The following ARSI variants were observed in gnomAD, a reference collection of about 807,000 sequenced individuals.
ARSI encodes arylsulfatase family member I, also known as arylsulfatase I.
Under a neutral mutation model 42.1 loss-of-function variants are expected in ARSI, and 37 were observed. The ratio of observed to expected loss-of-function variants is 0.88; its 90% CI spans 0.68 to 1.16. The LOEUF is 1.16. ARSI is among the 50% of genes most tolerant of loss of function. The pLI is 0.00. For synonymous variants in ARSI, 305 were observed against 320.3 expected (o/e 0.95, Z 0.51); for missense variants, 725 against 790.1 (o/e 0.92, Z 0.99).
rs1479466348 is a variant in ARSI, at chr5:150,302,006, C to A, written c.311+57G>T. 2.7e-6 allele frequency: 4 copies of A among 1,490,594 alleles called. No homozygotes were observed. Among genetic ancestry groups the A allele is most frequent in the Non-Finnish European group, 3.6e-6 (4 of 1,114,648 alleles). 92.3% of individuals were successfully genotyped at this position (1,490,594 alleles called of 1,614,324 possible). On this transcript the variant is annotated intron_variant, in intron 1 of 1. Transcript: ENST00000328668. This position sits in a 1 kb window ranked among gnomAD's most constrained non-coding sequence, Gnocchi z 6.1. ...GGTGGTACTGGCAGGAGAAATCTATCAACTGGGTTGATTTGGGGTTTAGAT... is the reference window on the plus strand; with the variant it reads ...GGTGGTACTGGCAGGAGAAATCTATAAACTGGGTTGATTTGGGGTTTAGAT...
Position 150,297,417 on chromosome 5 carries a change from G to A in ARSI, c.1507C>T (p.Arg503Cys), listed in dbSNP as rs748659666. 9 of 1,608,282 alleles carry A rather than the reference G, an allele frequency of 5.6e-6. No individual in the cohort carries two copies. The highest frequency in any genetic ancestry group is 1.7e-5 in the Admixed American group (1 of 59,342). Residue 503 changes from arginine (R) to cysteine (C), a missense_variant, in exon 2 of 2, where the codon CGC becomes TGC. Transcript: ENST00000328668. The surrounding 1 kb of genome is among the most constrained non-coding windows in gnomAD (Gnocchi z 7.0). ...AEYNRTAIPVRYPAENPRAHP... is the reference protein window; with the variant it reads ...AEYNRTAIPVCYPAENPRAHP... ...GCCCGGGGGTTCTCAGCTGGGTAGCGTACCGGGATGGCTGTGCGGTTATAT... is the reference window on the plus strand; with the variant it reads ...GCCCGGGGGTTCTCAGCTGGGTAGCATACCGGGATGGCTGTGCGGTTATAT...
chr5:150,297,380 A>C lies in ARSI; in HGVS notation c.1544T>G (p.Phe515Cys), dbSNP rs145878553. Residue 515 changes from phenylalanine (F) to cysteine (C), a missense_variant, in exon 2 of 2, where the codon TTT becomes TGT. Phe to Cys is a radical substitution (Grantham distance 205, BLOSUM62 -2). Coordinates refer to ENST00000328668, the MANE Select transcript of ARSI (RefSeq NM_001012301.4). This position sits in a 1 kb window ranked among gnomAD's most constrained non-coding sequence, Gnocchi z 7.0. The stretch of plus-strand genomic sequence containing the variant: ...CCAGGGCCCCCAAGCACCCCCATTA[A>C]AGTCAGGATGAGCCCGGGGGTTCTC... ...PAENPRAHPD[F>C]NGGAWGPWAS... 420 of 1,611,048 alleles carry C rather than the reference A, an allele frequency of 2.6e-4. No individual in the cohort carries two copies. The highest frequency in any genetic ancestry group is 3.4e-4 in the Non-Finnish European group (401 of 1,178,606).
chr5:150,302,086 C>T lies in ARSI; in HGVS notation c.288G>A (p.Ser96=), dbSNP rs1367596425. ...ACCTGCCAGTGAGGAGCTGGCTCCG[C>T]GAAGGCGTGCAGATGGGCTGGATGT... The part of the protein sequence containing the change: ...NYYIQPICTP[S]RSQLLTGRYQ... The change falls in exon 1 of 2, where the codon TCG becomes TCA. Residue 96 remains serine (S), a synonymous_variant. Coordinates refer to ENST00000328668, the MANE Select transcript of ARSI (RefSeq NM_001012301.4). This position sits in a 1 kb window ranked among gnomAD's most constrained non-coding sequence, Gnocchi z 6.1. 6.3e-7 allele frequency: 1 copy of T among 1,598,192 alleles called. No homozygotes were observed.
chr5:150,301,290 A>G (rs2150321695), intron 1 of ARSI, among the ~76,000 whole-genome samples: 1 of 152,310 alleles, frequency 6.6e-6, no homozygotes, highest in East Asian at 1.9e-4. Flanking sequence ...TTTTCTCCTA[A>G]GTGGCCAGAG....
intron 1 of ARSI, among the ~76,000 whole-genome samples, chr5:150,300,775 C>T (rs760846055): frequency 8.5e-5 from 13 of 152,204 alleles, no homozygotes; most frequent in South Asian, 2.1e-4. Context: ...CTGCTCATTC[C>T]GCTACTTAAA....
rs754848958 is a variant in ARSI at position 150,298,133 on chromosome 5, G to A, written c.791C>T (p.Ala264Val). The A allele has an allele frequency of 6.6e-5, 106 of 1,613,760 alleles. No homozygotes were observed. The highest frequency in any genetic ancestry group is 8.2e-5 in the Non-Finnish European group (97 of 1,180,032). The change falls in exon 2 of 2, where the codon GCG (alanine) becomes GTG (valine). Residue 264 changes from alanine to valine, a missense_variant. Coordinates refer to ENST00000328668, the MANE Select transcript of ARSI (RefSeq NM_001012301.4). ...TMGNVARRKY[A>V]AMVTCMDEAV... is the part of the protein sequence containing the mutation. ...CTCATCCATGCAGGTCACCATGGCC[G>A]CGTACTTCCGCCGGGCCACATTGCC...
At position 150,298,516 on chromosome 5, in the gene ARSI, C is replaced by G. The variant is rs200311766; in HGVS notation, c.408G>C (p.Gln136His). ...CCATATGGGTGGAATAACCTGCCTC[C>G]TGCAGCTTCTGTGGCAGTGTCACCT... is the stretch of plus-strand genomic sequence containing the variant. ...LDQVTLPQKLQEAGYSTHMVG... is the reference protein window; with the variant it reads ...LDQVTLPQKLHEAGYSTHMVG... The change falls in exon 2 of 2, where the codon CAG (glutamine) becomes CAC (histidine). Residue 136 changes from glutamine (Q) to histidine (H), a missense_variant. By Grantham distance (24) the Gln-to-His change is conservative (BLOSUM62 0). Transcript: ENST00000328668. 55 of 1,614,222 alleles carry G rather than the reference C, an allele frequency of 3.4e-5. No individual in the cohort carries two copies. In the East Asian group the frequency reaches 1.2e-3, roughly 35 times the overall value.
intron 1 of ARSI, among the ~76,000 whole-genome samples, chr5:150,300,104 C>A (rs1757894653): frequency 6.6e-6 from 1 of 152,214 alleles, no homozygotes; most frequent in African/African-American, 2.4e-5. Flanking sequence ...TACCTGACAT[C>A]TTTAACCAGA....
chr5:150,297,071 G>T lies in ARSI; in HGVS notation c.*143C>A. Reference sequence around the variant, plus strand: ...TTTATTCCCACCCACTCCTATCCAGGCTCCCTACCCTGTTCAACCAAGGGA... The same window carrying T: ...TTTATTCCCACCCACTCCTATCCAGTCTCCCTACCCTGTTCAACCAAGGGA... On this transcript the variant is annotated 3_prime_UTR_variant, in exon 2 of 2. Coordinates refer to ENST00000328668, the MANE Select transcript of ARSI (RefSeq NM_001012301.4). The surrounding 1 kb of genome is among the most constrained non-coding windows in gnomAD (Gnocchi z 7.0). The T allele has an allele frequency of 2.4e-6, 2 of 846,970 alleles. No individual in the cohort carries two copies. The highest frequency in any genetic ancestry group is 1.8e-6 in the Non-Finnish European group (1 of 565,612). The allele number at this position is 846,970 out of a possible 1,614,324, so 52.5% of individuals were successfully genotyped here.
chr5:150,299,478 ATTAT>A (rs1158426025), intron 1 of ARSI, among the ~76,000 whole-genome samples: 1 of 152,198 alleles, frequency 6.6e-6, no homozygotes, highest in Admixed American at 6.5e-5. Flanking sequence ...AGAGCACTCA[ATTAT>A]TTATGAAATG....
In ARSI at chr5:150,297,310, G is replaced by A; in HGVS notation, c.1614C>T (p.Ser538=). The A allele has an allele frequency of 6.2e-7, 1 of 1,613,300 alleles. No homozygotes were observed. Among genetic ancestry groups the A allele is most frequent in the Non-Finnish European group, 8.5e-7 (1 of 1,179,738 alleles). Residue 538 remains serine (S), a synonymous_variant, in exon 2 of 2, where the codon AGC becomes AGT. Coordinates refer to ENST00000328668, the MANE Select transcript of ARSI (RefSeq NM_001012301.4). This position sits in a 1 kb window ranked among gnomAD's most constrained non-coding sequence, Gnocchi z 7.0. The stretch of plus-strand genomic sequence containing the variant: ...TTTTCTTGCGACGACCCCGGGAGAA[G>A]CTTCGAGCCCTCCCTTCCTCTTCCT... ...EEEEEEGRAR[S]FSRGRRKKKC...
In ARSI at chr5:150,296,981, G is replaced by T; in HGVS notation, c.*233C>A. 1 of 437,740 alleles carries T rather than the reference G, an allele frequency of 2.3e-6. No individual in the cohort carries two copies. Among genetic ancestry groups the T allele is most frequent in the South Asian group, 6.2e-5 (1 of 16,218 alleles). The allele number at this position is 437,740 out of a possible 1,614,324, so 27.1% of individuals were successfully genotyped here. A position where few individuals can be genotyped will look rare whatever the true frequency, so the allele number is the denominator to read the frequency against. ...AAACTGAGGCTAAAAGCTCATGTGG[G>T]TCACCTGAGGTCACAGAGCAAGTCC... On this transcript the variant is annotated 3_prime_UTR_variant, in exon 2 of 2. Transcript: ENST00000328668.
In ARSI at chr5:150,297,665, C is replaced by A. The variant is rs147847092; in HGVS notation, c.1259G>T (p.Arg420Leu). ...IWNTAVQAAI[R>L]VGEWKLLTGD... Reference sequence around the variant, plus strand: ...TGTCAGCAGCTTCCACTCACCCACGCGGATGGCAGCCTGCACGGCGGTGTT... The same window carrying A: ...TGTCAGCAGCTTCCACTCACCCACGAGGATGGCAGCCTGCACGGCGGTGTT... The change falls in exon 2 of 2, where the codon CGC becomes CTC. Residue 420 changes from arginine to leucine, a missense_variant. By Grantham distance (102) the Arg-to-Leu change is moderately radical. Coordinates refer to ENST00000328668, the MANE Select transcript of ARSI (RefSeq NM_001012301.4). The surrounding 1 kb of genome is among the most constrained non-coding windows in gnomAD (Gnocchi z 7.0). 6 of 1,613,234 alleles carry A rather than the reference C, an allele frequency of 3.7e-6. No homozygotes were observed. The highest frequency in any genetic ancestry group is 2.2e-5 in the East Asian group (1 of 44,894).
rs770762677 is a variant in ARSI, at chr5:150,297,932, C to G, written c.992G>C (p.Ser331Thr). 6.2e-7 allele frequency: 1 copy of G among 1,611,414 alleles called. No homozygotes were observed. The highest frequency in any genetic ancestry group is 8.5e-7 in the Non-Finnish European group (1 of 1,178,892). The change falls in exon 2 of 2, where the codon AGT becomes ACT. Residue 331 changes from serine to threonine, a missense_variant. Ser to Thr is a moderately conservative substitution (Grantham distance 58). Coordinates refer to ENST00000328668, the MANE Select transcript of ARSI (RefSeq NM_001012301.4). The surrounding 1 kb of genome is among the most constrained non-coding windows in gnomAD (Gnocchi z 7.0). Reference sequence around the variant, plus strand: ...CCGTTGCTTTCGCTTGAGCAGGGGACTGTGGACAAAGCCTAGGCCCCGCAC... The same window carrying G: ...CCGTTGCTTTCGCTTGAGCAGGGGAGTGTGGACAAAGCCTAGGCCCCGCAC... ...GGVRGLGFVHSPLLKRKQRTS... is the reference protein window; with the variant it reads ...GGVRGLGFVHTPLLKRKQRTS...
rs143834322 is a variant in ARSI at position 150,299,839 on chromosome 5, T to C, written c.312-1227A>G. On this transcript the variant is annotated intron_variant, in intron 1 of 1. Coordinates refer to ENST00000328668, the MANE Select transcript of ARSI (RefSeq NM_001012301.4). ...CCAAGTGCCTGCCTGTGAGCTCATA[T>C]GACCCCTTGATCCAGGCTATCACCC... Among the ~76,000 whole-genome samples, 639 of 152,320 alleles carry C rather than the reference T, an allele frequency of 4.2e-3. 1 individual carries two copies. Among genetic ancestry groups the C allele is most frequent in the Middle Eastern group, 0.01 (3 of 294 alleles).
At position 150,297,074 on chromosome 5, in the gene ARSI, C is replaced by T. The variant is rs1580972775; in HGVS notation, c.*140G>A. On this transcript the variant is annotated 3_prime_UTR_variant, in exon 2 of 2. Coordinates refer to ENST00000328668, the MANE Select transcript of ARSI (RefSeq NM_001012301.4). This position sits in a 1 kb window ranked among gnomAD's most constrained non-coding sequence, Gnocchi z 7.0. ...ATTCCCACCCACTCCTATCCAGGCT[C>T]CCTACCCTGTTCAACCAAGGGACTC... 3 of 902,556 alleles carry T rather than the reference C, an allele frequency of 3.3e-6. No individual in the cohort carries two copies. The East Asian group carries it at 8.0e-5, about 24-fold the overall frequency. 55.9% of individuals were successfully genotyped at this position (902,556 alleles called of 1,614,324 possible).
At chr5:150,298,909 A>G (rs1333793782) in intron 1 of ARSI, among the ~76,000 whole-genome samples, 1 of 152,196 alleles carries the variant, frequency 6.6e-6, no homozygotes, top group Admixed American at 6.5e-5. Flanking sequence ...TGGAGAGATA[A>G]AAGTTGAACC....
intron 1 of ARSI, among the ~76,000 whole-genome samples, chr5:150,299,060 A>T (rs1177234854): frequency 6.6e-6 from 1 of 152,238 alleles, no homozygotes; most frequent in Non-Finnish European, 1.5e-5. Context: ...CATTTTCCAA[A>T]TAAGGGAACT....
Position 150,298,147 on chromosome 5 carries a change from G to A in ARSI, c.777C>T (p.Ala259=). The part of the protein sequence containing the change: ...LYRYRTMGNV[A]RRKYAAMVTC... ...TCACCATGGCCGCGTACTTCCGCCG[G>A]GCCACATTGCCCATGGTGCGGTAGC... The change falls in exon 2 of 2, where the codon GCC becomes GCT. Residue 259 remains alanine, a synonymous_variant. Coordinates refer to ENST00000328668, the MANE Select transcript of ARSI (RefSeq NM_001012301.4). 1 of 1,613,986 alleles carries A rather than the reference G, an allele frequency of 6.2e-7. No individual in the cohort carries two copies. Among genetic ancestry groups the A allele is most frequent in the Non-Finnish European group, 8.5e-7 (1 of 1,180,038 alleles).
Sources: gnomAD v4.1 joint callset for allele counts (sites outside exome capture counted in the v4.1 genomes callset) on GRCh38, gnomAD v4.1.1 for gene constraint, Gnocchi (gnomAD v3.1) non-coding constraint, MANE v1.5 for transcripts, NCBI Gene and HGNC (gene_info 2026-07-23, HGNC 2026-07-21) for gene names.